The following LASP1 variants were observed in gnomAD, a reference collection of about 807,000 sequenced individuals.
LASP1 encodes LIM and SH3 protein 1, also known as LIM and SH3 domain protein 1.
Under a neutral mutation model 38.6 loss-of-function variants are expected in LASP1, and 10 were observed. The ratio of observed to expected loss-of-function variants is 0.26; its 90% CI spans 0.16 to 0.44. LASP1 has a LOEUF of 0.44. Ranked by LOEUF, LASP1 falls within the 20% of genes least tolerant of loss-of-function variation. The probability of loss-of-function intolerance (pLI) is 1.00; values close to 1 mark genes in which losing one functional copy is unlikely to be tolerated. For synonymous variants in LASP1, 132 were observed against 140.8 expected, an observed-to-expected ratio of 0.94 and a Z score of 0.44; for missense variants, 243 against 375.7, an observed-to-expected ratio of 0.65 and a Z score of 2.92.
chr17:38,879,069 C>A (rs1275599588), intron 2 of LASP1, among the ~76,000 whole-genome samples: 1 of 151,892 alleles, frequency 6.6e-6, no homozygotes, highest in Non-Finnish European at 1.5e-5. Context: ...GTTGGGGCCT[C>A]ACAGCCGCCT....
intron 4 of LASP1, among the ~76,000 whole-genome samples, chr17:38,913,202 G>A (rs554246289): frequency 2.0e-5 from 3 of 152,346 alleles, no homozygotes; most frequent in African/African-American, 7.2e-5. Context: ...AGAGCACTGT[G>A]GGGGCAAGAG....
In LASP1 at chr17:38,918,815, C is replaced by A. The variant is rs759464225; in HGVS notation, c.*37C>A. The A allele has an allele frequency of 1.2e-6, 2 of 1,606,944 alleles. No individual in the cohort carries two copies. The highest frequency in any genetic ancestry group is 1.1e-5 in the South Asian group (1 of 90,948). ...CCCCATCTGTCTTCAGCACATTCCACGGCATCGCATCCGTCCTGGGCGTGA... is the reference window on the plus strand; with the variant it reads ...CCCCATCTGTCTTCAGCACATTCCAAGGCATCGCATCCGTCCTGGGCGTGA... On this transcript the variant is annotated 3_prime_UTR_variant, in exon 7 of 7. Transcript: ENST00000318008. This position sits in a 1 kb window ranked among gnomAD's most constrained non-coding sequence, Gnocchi z 4.4.
At chr17:38,892,257 G>T (rs550842169) in intron 3 of LASP1, among the ~76,000 whole-genome samples, 1 of 152,206 alleles carries the variant, frequency 6.6e-6, no homozygotes, top group Non-Finnish European at 1.5e-5. Flanking sequence ...CCCTGGTCTT[G>T]TCACTCCCAA....
chr17:38,896,695 C>T lies in LASP1; in HGVS notation c.250-1717C>T, dbSNP rs369002667. ...GCTGCTTTAGAGCCACTGTCTGTATCGTGGGTTGGAGTGACTGGCGTTATG... is the reference window on the plus strand; with the variant it reads ...GCTGCTTTAGAGCCACTGTCTGTATTGTGGGTTGGAGTGACTGGCGTTATG... On this transcript the variant is annotated intron_variant, in intron 3 of 6. Coordinates refer to ENST00000318008, the MANE Select transcript of LASP1 (RefSeq NM_006148.4). Among the ~76,000 whole-genome samples, 5 of 152,170 alleles carry T rather than the reference C, an allele frequency of 3.3e-5. No homozygotes were observed. The East Asian group carries it at 7.7e-4, about 23-fold the overall frequency.
intron 2 of LASP1, among the ~76,000 whole-genome samples, chr17:38,884,972 C>T (rs540022144): frequency 5.9e-5 from 9 of 152,110 alleles, no homozygotes; most frequent in Non-Finnish European, 8.8e-5. Flanking sequence ...ATTTCGTGCC[C>T]GACCTGTATC....
chr17:38,891,342 A>T (rs1234023776), intron 3 of LASP1, among the ~76,000 whole-genome samples: 1 of 152,046 alleles, frequency 6.6e-6, no homozygotes, highest in Admixed American at 6.5e-5. Context: ...CACAGAGGGG[A>T]TCTCTCCCAG....
Position 38,921,594 on chromosome 17 carries a change from G to T in LASP1, c.*2816G>T, listed in dbSNP as rs770909754. ...TGTGTGTGAGTGTGTGAAGCCGCCAGTTCATCTTTTTATATGGGGTTGTTG... is the reference window on the plus strand; with the variant it reads ...TGTGTGTGAGTGTGTGAAGCCGCCATTTCATCTTTTTATATGGGGTTGTTG... On this transcript the variant is annotated 3_prime_UTR_variant, in exon 7 of 7. Transcript: ENST00000318008. The T allele has an allele frequency of 3.0e-5, 7 of 232,882 alleles. No homozygotes were observed. Among genetic ancestry groups the T allele is most frequent in the Non-Finnish European group, 5.9e-5 (7 of 117,772 alleles). 14.4% of individuals were successfully genotyped at this position (232,882 alleles called of 1,614,324 possible). A position where few individuals can be genotyped will look rare whatever the true frequency, so the allele number is the denominator to read the frequency against.
intron 4 of LASP1, among the ~76,000 whole-genome samples, chr17:38,911,917 C>T (rs757536066): frequency 2.0e-5 from 3 of 152,174 alleles, no homozygotes; most frequent in Admixed American, 1.3e-4. Flanking sequence ...CCTCAGCCTC[C>T]CGCGTAGCTG....
At chr17:38,881,659 C>G (rs532979435) in intron 2 of LASP1, among the ~76,000 whole-genome samples, 3 of 152,176 alleles carry the variant, frequency 2.0e-5, no homozygotes, top group Non-Finnish European at 4.4e-5. Context: ...TCTGAAGCAT[C>G]ACGTGCTCCA....
intron 5 of LASP1, 194 bp from the exon 6 acceptor site, chr17:38,914,849 C>T: frequency 1.6e-6 from 1 of 612,372 alleles, no homozygotes; most frequent in East Asian, 2.8e-5. Flanking sequence ...GCCCCCAGGT[C>T]ATGGGGCTCA....
intron 2 of LASP1, among the ~76,000 whole-genome samples, chr17:38,884,933 C>T (rs1417396952): frequency 1.3e-5 from 2 of 152,136 alleles, no homozygotes; most frequent in African/African-American, 4.8e-5. Flanking sequence ...TCAGATGATC[C>T]GCCCGCTTCG....
rs530593526 is a variant in LASP1 at position 38,892,551 on chromosome 17, GACACACACACACAC to G, written c.249+2074_249+2087del. ...TGGGAGCAGATAGCAGGTCTTTGGA[GACACACACACACAC>G]ACACACACACACACACACACACACA... On this transcript the variant is annotated intron_variant, in intron 3 of 6. Transcript: ENST00000318008. Among the ~76,000 whole-genome samples, 346 of 143,840 alleles carry G rather than the reference GACACACACACACAC, an allele frequency of 2.4e-3. 4 individuals are homozygous for G. In the South Asian group the frequency reaches 0.03, roughly 13 times the overall value. The allele number at this position is 143,840 out of a possible 152,430, so 94.4% of individuals were successfully genotyped here.
At chr17:38,900,534 G>A (rs1315787634) in intron 4 of LASP1, among the ~76,000 whole-genome samples, 2 of 152,098 alleles carry the variant, frequency 1.3e-5, no homozygotes, top group Non-Finnish European at 1.5e-5. Context: ...TTAGCTGGGC[G>A]TGGTGGCGTG....
At chr17:38,890,251 C>A in intron 2 of LASP1, 169 bp from the exon 3 acceptor site, 1 of 605,030 alleles carries the variant, frequency 1.7e-6, no homozygotes, top group South Asian at 1.9e-5. Context: ...CTGAGAAACG[C>A]TTGTCTCCCC....
chr17:38,873,202 C>G (rs977663867), intron 1 of LASP1, among the ~76,000 whole-genome samples: 3 of 152,116 alleles, frequency 2.0e-5, no homozygotes, highest in Non-Finnish European at 4.4e-5. Context: ...AGGGTGGGCT[C>G]TCTGCCTCTG....
chr17:38,911,198 C>T lies in LASP1; in HGVS notation c.358-3127C>T, dbSNP rs182981819. Among the ~76,000 whole-genome samples, 32 of 152,246 alleles carry T rather than the reference C, an allele frequency of 2.1e-4. No individual in the cohort carries two copies. In the East Asian group the frequency reaches 5.4e-3, roughly 26 times the overall value. ...TCCAGTGGGGGTGGGGGACACCACCCGCCAACAGCACAGCCCAGTCCCAGG... is the reference window on the plus strand; with the variant it reads ...TCCAGTGGGGGTGGGGGACACCACCTGCCAACAGCACAGCCCAGTCCCAGG... On this transcript the variant is annotated intron_variant, in intron 4 of 6. Coordinates refer to ENST00000318008, the MANE Select transcript of LASP1 (RefSeq NM_006148.4).
At chr17:38,893,004 T>C (rs942620414) in intron 3 of LASP1, among the ~76,000 whole-genome samples, 4 of 152,128 alleles carry the variant, frequency 2.6e-5, no homozygotes, top group Non-Finnish European at 2.9e-5. Flanking sequence ...TGTATGTGTG[T>C]GTGTGTGTGT....
chr17:38,895,329 G>GTT (rs935240079), intron 3 of LASP1, among the ~76,000 whole-genome samples: 4 of 146,608 alleles, frequency 2.7e-5, no homozygotes, highest in Non-Finnish European at 4.5e-5. Context: ...TAATTTTTGT[G>GTT]TTTTTTTTTT....
rs778563034 is a variant in LASP1, at chr17:38,918,802, TCAG to T, written c.*27_*29del. The T allele has an allele frequency of 2.5e-6, 4 of 1,611,650 alleles. No individual in the cohort carries two copies. Among genetic ancestry groups the T allele is most frequent in the Non-Finnish European group, 3.4e-6 (4 of 1,179,156 alleles). Reference sequence around the variant, plus strand: ...GAACCCGCAGCGCCCCCATCTGTCTTCAGCACATTCCACGGCATCGCATCCGTC... The same window carrying T: ...GAACCCGCAGCGCCCCCATCTGTCTTCACATTCCACGGCATCGCATCCGTC... On this transcript the variant is annotated 3_prime_UTR_variant, in exon 7 of 7. Transcript: ENST00000318008. The surrounding 1 kb of genome is among the most constrained non-coding windows in gnomAD (Gnocchi z 4.4).
Sources: allele counts gnomAD v4.1 joint callset (sites outside exome capture counted in the v4.1 genomes callset), GRCh38; gene constraint gnomAD v4.1.1; non-coding constraint Gnocchi (gnomAD v3.1); transcripts MANE v1.5; gene names NCBI Gene and HGNC (gene_info 2026-07-23, HGNC 2026-07-21).